Variants in RIPOR2 observed in about 807,000 individuals in gnomAD.
RIPOR2 encodes the protein RHO family interacting cell polarization regulator 2.
A neutral mutation model predicts 114.5 loss-of-function variants in RIPOR2; 39 were observed. The observed-to-expected ratio is 0.34, with a 90% CI of 0.26 to 0.44. The LOEUF is 0.44. Among genes scored for constraint, RIPOR2 ranks in the 20% least tolerant of loss-of-function variants. The pLI is 1.00. For missense variants in RIPOR2, 1,007 were observed against 1,255.1 expected, an observed-to-expected ratio of 0.80 and a Z score of 2.99; for synonymous variants, 445 against 484.4, an observed-to-expected ratio of 0.92 and a Z score of 1.07.
intron 1 of RIPOR2, among the ~76,000 whole-genome samples, chr6:24,884,025 A>C (rs1766577980): frequency 6.6e-6 from 1 of 152,234 alleles, no homozygotes; most frequent in African/African-American, 2.4e-5. Context: ...TATGGTTACA[A>C]GGTACCTATT....
At chr6:24,825,056 A>G (rs1419559869) in intron 19 of RIPOR2, among the ~76,000 whole-genome samples, 170 bp downstream of exon 19, 1 of 152,196 alleles carries the variant, frequency 6.6e-6, no homozygotes, top group African/African-American at 2.4e-5. Context: ...TGGGGGCTGG[A>G]CTTAAGGGGT....
intron 1 of RIPOR2, among the ~76,000 whole-genome samples, chr6:25,027,454 T>C (rs1776685337): frequency 6.6e-6 from 1 of 152,164 alleles, no homozygotes; most frequent in Non-Finnish European, 1.5e-5. Flanking sequence ...AACATAGACA[T>C]GCTGTGCAGC....
intron 8 of RIPOR2, among the ~76,000 whole-genome samples, chr6:24,855,665 A>AT (rs1763396568): frequency 6.6e-6 from 1 of 152,164 alleles, no homozygotes; most frequent in Admixed American, 6.5e-5. Context: ...TTTAAACGTG[A>AT]TTTTACCCAT....
chr6:24,893,332 C>A (rs1046346667), intron 1 of RIPOR2, among the ~76,000 whole-genome samples: 1 of 152,202 alleles, frequency 6.6e-6, no homozygotes, highest in Non-Finnish European at 1.5e-5. Context: ...TCAGGACACT[C>A]GTCTAGCATA....
intron 1 of RIPOR2, among the ~76,000 whole-genome samples, chr6:24,900,167 A>C (rs1023558208): frequency 6.6e-6 from 1 of 152,210 alleles, no homozygotes; most frequent in Non-Finnish European, 1.5e-5. Flanking sequence ...CATGCTACAA[A>C]CTGGCAGTTG....
In RIPOR2 at chr6:24,825,271, C is replaced by T. The variant is rs1454921537; in HGVS notation, c.2823G>A (p.Thr941=). 10 of 1,551,364 alleles carry T rather than the reference C, an allele frequency of 6.4e-6. No homozygotes were observed. The highest frequency in any genetic ancestry group is 1.4e-5 in the African/African-American group (1 of 73,044). ...TTTTGGAGGCTGCTGCCAAGTAAAG[C>T]GTCACAGCCTCACTAACTTCGTTGT... ...REDNEVSEAV[T]LYLAAASKNQ... The change falls in exon 19 of 22, where the codon ACG becomes ACA. Residue 941 remains threonine (T), a synonymous_variant. Coordinates refer to ENST00000643898, the MANE Select transcript of RIPOR2 (RefSeq NM_001286445.3).
intron 1 of RIPOR2, among the ~76,000 whole-genome samples, chr6:24,961,664 G>A (rs1263164732): frequency 1.3e-5 from 2 of 148,394 alleles, no homozygotes; most frequent in African/African-American, 5.0e-5. Flanking sequence ...GTCTCGCTCT[G>A]TCACCCAGGC....
chr6:24,946,919 G>A (rs34503369), intron 1 of RIPOR2, among the ~76,000 whole-genome samples: 4,091 of 152,252 alleles, frequency 0.027, 78 homozygotes, highest in East Asian at 0.11. Flanking sequence ...TCTTCCTGGC[G>A]TGGCTTCTTT....
intron 1 of RIPOR2, among the ~76,000 whole-genome samples, chr6:24,969,394 G>A (rs551658931): frequency 6.6e-6 from 1 of 152,204 alleles, no homozygotes; most frequent in Non-Finnish European, 1.5e-5. Flanking sequence ...GGTGATTCAC[G>A]TGCAGGTTAA....
intron 1 of RIPOR2, among the ~76,000 whole-genome samples, chr6:24,995,545 G>A (rs374252913): frequency 2.3e-4 from 35 of 152,336 alleles, no homozygotes; most frequent in African/African-American, 6.5e-4. Flanking sequence ...ATTCTGTGCC[G>A]TAGGAGCATC....
At chr6:25,036,482 C>T (rs1375137892) in intron 1 of RIPOR2, among the ~76,000 whole-genome samples, 3 of 152,052 alleles carry the variant, frequency 2.0e-5, no homozygotes, top group African/African-American at 7.2e-5. Flanking sequence ...ACCTCCAGTT[C>T]CTAAGTTCAA....
intron 1 of RIPOR2, among the ~76,000 whole-genome samples, chr6:24,996,514 C>T (rs1439650743): frequency 1.3e-5 from 2 of 152,206 alleles, no homozygotes; most frequent in Middle Eastern, 3.2e-3. Flanking sequence ...TGCAGCTCTT[C>T]ATGAATGGCC....
At chr6:25,024,508 G>A in intron 1 of RIPOR2, 1 of 718,026 alleles carries the variant, frequency 1.4e-6, no homozygotes, top group Non-Finnish European at 2.4e-6. Context: ...GGAGGCGCGA[G>A]TTCCCAGCGT....
intron 1 of RIPOR2, among the ~76,000 whole-genome samples, chr6:24,984,186 C>T (rs1051966009): frequency 2.0e-5 from 3 of 152,208 alleles, no homozygotes; most frequent in African/African-American, 4.8e-5. Flanking sequence ...TTGTCTCACG[C>T]GTCCGTGTGA....
At chr6:25,017,306 ACT>A (rs1437254914) in intron 1 of RIPOR2, among the ~76,000 whole-genome samples, 2 of 152,096 alleles carry the variant, frequency 1.3e-5, no homozygotes, top group Non-Finnish European at 2.9e-5. Context: ...TGGGTGACAG[ACT>A]CTGTCTCAAA....
intron 1 of RIPOR2, among the ~76,000 whole-genome samples, chr6:24,975,036 T>TCC (rs1210359443): frequency 0.012 from 1,804 of 152,276 alleles, 22 homozygotes; most frequent in African/African-American, 0.032. Context: ...GGGTTTCTTT[T>TCC]AATGGTAATA....
At chr6:24,933,198 A>C (rs544508797) in intron 1 of RIPOR2, among the ~76,000 whole-genome samples, 2 of 152,336 alleles carry the variant, frequency 1.3e-5, no homozygotes, top group East Asian at 3.9e-4. Flanking sequence ...AAAAATGGTC[A>C]CTATTCTATA....
chr6:24,835,412 C>T (rs1025432909), intron 15 of RIPOR2, among the ~76,000 whole-genome samples: 5 of 152,140 alleles, frequency 3.3e-5, no homozygotes, highest in East Asian at 1.9e-4. Context: ...GGCTTCCCCC[C>T]ACCCCCTTAA....
chr6:24,926,405 C>T (rs989704046), intron 1 of RIPOR2, among the ~76,000 whole-genome samples: 2 of 152,174 alleles, frequency 1.3e-5, no homozygotes, highest in African/African-American at 2.4e-5. Flanking sequence ...CTTGGATACC[C>T]AGAGAATTTT....
Sources: allele counts gnomAD v4.1 joint callset (sites outside exome capture counted in the v4.1 genomes callset), GRCh38; gene constraint gnomAD v4.1.1; transcripts MANE v1.5; gene names NCBI Gene and HGNC (gene_info 2026-07-23, HGNC 2026-07-21).